KIF6: variants seen among roughly 807,000 people sequenced by gnomAD.
KIF6 encodes kinesin family member 6, also known as kinesin-like protein KIF6.
A neutral mutation model predicts 112.7 loss-of-function variants in KIF6; 106 were observed. The ratio of observed to expected loss-of-function variants is 0.94; its 90% CI spans 0.80 to 1.11. KIF6 has a LOEUF of 1.11. Ranked by LOEUF, KIF6 falls within the 50% of genes least tolerant of loss-of-function variation. The pLI is 0.00. For synonymous variants in KIF6, 339 were observed against 339.9 expected (o/e 1.00, Z 0.03); for missense variants, 929 against 964.0 (o/e 0.96, Z 0.48).
At chr6:39,671,191 C>T (rs532562834) in intron 3 of KIF6, among the ~76,000 whole-genome samples, 2 of 152,268 alleles carry the variant, frequency 1.3e-5, no homozygotes, top group Admixed American at 6.5e-5. Flanking sequence ...GATTTACTTC[C>T]GTTGGGGTGA....
chr6:39,701,354 G>T (rs1788866431), intron 3 of KIF6, among the ~76,000 whole-genome samples: 1 of 152,156 alleles, frequency 6.6e-6, no homozygotes, highest in Non-Finnish European at 1.5e-5. Flanking sequence ...CTGGGTCCAG[G>T]TTCCAGGATA....
intron 13 of KIF6, among the ~76,000 whole-genome samples, chr6:39,500,392 G>A (rs1454092112): frequency 6.6e-6 from 1 of 152,172 alleles, no homozygotes; most frequent in Non-Finnish European, 1.5e-5. Context: ...GGGAGACTAG[G>A]GGAAGGAATC....
chr6:39,511,302 C>T (rs745713753), intron 13 of KIF6, among the ~76,000 whole-genome samples: 6 of 152,102 alleles, frequency 3.9e-5, no homozygotes, highest in Non-Finnish European at 5.9e-5. Flanking sequence ...GACACTTCTC[C>T]AAAGAAGACA....
At chr6:39,497,137 C>T (rs875730) in intron 13 of KIF6, among the ~76,000 whole-genome samples, 15,739 of 152,294 alleles carry the variant, frequency 0.1, 957 homozygotes, top group African/African-American at 0.16. Context: ...GACTCTCTTT[C>T]GCAATTTCGG....
rs145649530 is a variant in KIF6, at chr6:39,495,278, T to C, written c.1645+44725A>G. 5.3e-3 allele frequency among the ~76,000 whole-genome samples: 807 copies of C among 152,236 alleles called. 5 individuals are homozygous for C. Among genetic ancestry groups the C allele is most frequent in the Middle Eastern group, 0.01 (3 of 294 alleles). The stretch of plus-strand genomic sequence containing the variant: ...GTGGAGCTAGAATGGGGCAGACACA[T>C]GATGTTGGGTTTAGCGATTTGCAGC... On this transcript the variant is annotated intron_variant, in intron 13 of 22. Transcript: ENST00000287152.
intron 3 of KIF6, among the ~76,000 whole-genome samples, chr6:39,687,292 AG>A (rs1213094067): frequency 2.0e-5 from 3 of 152,264 alleles, no homozygotes; most frequent in Non-Finnish European, 4.4e-5. Context: ...ACCAACGGAC[AG>A]GACCAAAATT....
chr6:39,386,871 G>A (rs1767474244), intron 15 of KIF6, among the ~76,000 whole-genome samples: 2 of 152,184 alleles, frequency 1.3e-5, no homozygotes, highest in South Asian at 4.1e-4. Context: ...TCAGGCCACT[G>A]GGGGATTCCA....
intron 10 of KIF6, among the ~76,000 whole-genome samples, chr6:39,570,662 A>C (rs554974445): frequency 1.3e-5 from 2 of 151,970 alleles, no homozygotes; most frequent in East Asian, 3.9e-4. Context: ...GGGGGTGTTT[A>C]CCCCCATGCT....
At chr6:39,431,957 ATT>A (rs59169231) in intron 13 of KIF6, among the ~76,000 whole-genome samples, 3,395 of 141,684 alleles carry the variant, frequency 0.024, 68 homozygotes, top group Non-Finnish European at 0.03. Flanking sequence ...CTATAGAGCC[ATT>A]TTTTTTTTTT....
rs943420819 is a variant in KIF6, at chr6:39,390,031, CA to C, written c.1811-4360del. On this transcript the variant is annotated intron_variant, in intron 15 of 22. Transcript: ENST00000287152. ...GGGCAACAGAATGAGACTCTGTCTC[CA>C]AAAAAAAAAAAAAAAAAAAAGGAAA... 9.7e-3 allele frequency among the ~76,000 whole-genome samples: 424 copies of C among 43,552 alleles called. 1 individual carries two copies. The highest frequency in any genetic ancestry group is 0.018 in the South Asian group (24 of 1,308). The allele number at this position is 43,552 out of a possible 152,430, so 28.6% of individuals were successfully genotyped here.
chr6:39,457,950 G>T (rs934183703), intron 13 of KIF6, among the ~76,000 whole-genome samples: 9 of 150,486 alleles, frequency 6.0e-5, no homozygotes, highest in Middle Eastern at 3.4e-3. Context: ...GTACAAGGAG[G>T]AACTGGTACC....
chr6:39,468,127 G>C (rs1444561008), intron 13 of KIF6, among the ~76,000 whole-genome samples: 1 of 151,890 alleles, frequency 6.6e-6, no homozygotes, highest in East Asian at 1.9e-4. Context: ...AGAAGAATTA[G>C]TGAACCTGAA....
In KIF6 at chr6:39,579,653, A is replaced by G. The variant is rs141794462; in HGVS notation, c.1078-1494T>C. Among the ~76,000 whole-genome samples, 27 of 152,180 alleles carry G rather than the reference A, an allele frequency of 1.8e-4. No individual in the cohort carries two copies. In the East Asian group the frequency reaches 5.0e-3, roughly 28 times the overall value. On this transcript the variant is annotated intron_variant, in intron 9 of 22. Coordinates refer to ENST00000287152, the MANE Select transcript of KIF6 (RefSeq NM_145027.6). ...TGAAAGAAAATCTATCTTATCCCAA[A>G]TCATAGGAATATATTCTTATATGAT...
At chr6:39,595,458 G>T (rs183304462) in intron 7 of KIF6, among the ~76,000 whole-genome samples, 56 of 152,300 alleles carry the variant, frequency 3.7e-4, no homozygotes, top group African/African-American at 1.3e-3. Flanking sequence ...TAGGGCTGTT[G>T]TGACGTTTCA....
chr6:39,613,146 C>T (rs1783309971), intron 6 of KIF6, 43 bp downstream of exon 6: 2 of 1,463,888 alleles, frequency 1.4e-6, no homozygotes, highest in Admixed American at 2.4e-5. Context: ...GATACTGTAT[C>T]TTATAATGTT....
At position 39,544,570 on chromosome 6, in the gene KIF6, T is replaced by A; in HGVS notation, c.1411A>T (p.Arg471Ter). 6.2e-7 allele frequency: 1 copy of A among 1,612,328 alleles called. No individual in the cohort carries two copies. ...GAAAGGATACTGATTTCGTTATCTC[T>A]CTGTTTCAGAATATCTCGTAGCTTT... is the stretch of plus-strand genomic sequence containing the variant. Reference protein sequence around the residue: ...YRKLRDILKQRDNEINILVNM... With the variant: ...YRKLRDILKQ The change falls in exon 12 of 23, where the codon AGA becomes TGA. Residue 471 changes from arginine to a stop codon, truncating the protein, a stop_gained. Transcript: ENST00000287152. LOFTEE classifies it high-confidence loss of function.
chr6:39,639,736 AC>A lies in KIF6; in HGVS notation c.272del (p.Gly91ValfsTer82). On this transcript the variant is annotated frameshift_variant, in exon 4 of 23. Coordinates refer to ENST00000287152, the MANE Select transcript of KIF6 (RefSeq NM_145027.6). LOFTEE classifies it high-confidence loss of function. Reference sequence around the variant, plus strand: ...CTGTTTGCCCATATGCAAAGATGGTACCATTGTAACCTGCCAGGACACTGCA... The same window carrying A: ...CTGTTTGCCCATATGCAAAGATGGTACATTGTAACCTGCCAGGACACTGCA... Reference protein sequence around the residue: ...VAGSVLAGYNGTIFAYGQTGS... With the variant: ...VAGSVLAGYNXTIFAYGQTGS... 6.2e-7 allele frequency: 1 copy of A among 1,611,784 alleles called. No homozygotes were observed. Among genetic ancestry groups the A allele is most frequent in the East Asian group, 2.2e-5 (1 of 44,772 alleles).
At chr6:39,667,979 G>A (rs921282587) in intron 3 of KIF6, among the ~76,000 whole-genome samples, 1 of 152,158 alleles carries the variant, frequency 6.6e-6, no homozygotes, top group Admixed American at 6.6e-5. Context: ...TTGAGTTCAT[G>A]AGAGATCTGG....
intron 9 of KIF6, among the ~76,000 whole-genome samples, chr6:39,584,459 A>AAAGAC (rs1561836472): frequency 7.8e-5 from 10 of 128,632 alleles, no homozygotes; most frequent in South Asian, 2.9e-4. Flanking sequence ...AAAAAAAAAA[A>AAAGAC]AGACTATTAT....
Sources: allele counts gnomAD v4.1 joint callset (sites outside exome capture counted in the v4.1 genomes callset), GRCh38; gene constraint gnomAD v4.1.1; transcripts MANE v1.5; gene names NCBI Gene and HGNC (gene_info 2026-07-23, HGNC 2026-07-21).